Variants in TBC1D15 observed in about 807,000 individuals in gnomAD.
The protein encoded by TBC1D15 is TBC1 domain family member 15, also known as GAP for RAB7.
In TBC1D15, 39 loss-of-function variants were observed where a neutral mutation model predicts 95.4. The ratio of observed to expected loss-of-function variants is 0.41; its 90% CI spans 0.32 to 0.53. The LOEUF (loss-of-function observed/expected upper bound fraction) is 0.53, where lower values mean the gene tolerates loss of function less well. Ranked by LOEUF, TBC1D15 falls within the 20% of genes least tolerant of loss-of-function variation. TBC1D15 has a pLI of 0.29. For missense variants in TBC1D15, 733 were observed against 794.3 expected (o/e 0.92, Z 0.93); for synonymous variants, 258 against 261.3 (o/e 0.99, Z 0.12).
intron 1 of TBC1D15, among the ~76,000 whole-genome samples, chr12:71,845,992 C>T (rs1478652394): frequency 1.3e-5 from 2 of 151,564 alleles, no homozygotes; most frequent in Non-Finnish European, 2.9e-5. Context: ...TTTTTTCCAG[C>T]TCTTTGTGTC....
chr12:71,871,581 T>A lies in TBC1D15; in HGVS notation c.31-489T>A, dbSNP rs79426465. On this transcript the variant is annotated intron_variant, in intron 1 of 16. Transcript: ENST00000485960. Reference sequence around the variant, plus strand: ...TTAATGCTCATGAAAAAAAAATACTTATTTTTTTGATTTTTTATAGAGATG... The same window carrying A: ...TTAATGCTCATGAAAAAAAAATACTAATTTTTTTGATTTTTTATAGAGATG... 9.1e-4 allele frequency among the ~76,000 whole-genome samples: 138 copies of A among 152,326 alleles called. 1 individual carries two copies. In the East Asian group the frequency reaches 0.02, roughly 22 times the overall value.
At chr12:71,901,949 T>TC (rs1899490631) in intron 10 of TBC1D15, among the ~76,000 whole-genome samples, 1 of 151,916 alleles carries the variant, frequency 6.6e-6, no homozygotes, top group Non-Finnish European at 1.5e-5. Flanking sequence ...ACCAACAACG[T>TC]CCAAGCCGAG....
Position 71,923,363 on chromosome 12 carries a change from C to A in TBC1D15, c.*159C>A. On this transcript the variant is annotated 3_prime_UTR_variant, in exon 17 of 17. Transcript: ENST00000485960. ...CATTAAAGCTTTACAAAGATTTAAA[C>A]TAATTATTTTTGTAGTTACTTCTAC... 1.6e-6 allele frequency: 1 copy of A among 626,824 alleles called. No individual in the cohort carries two copies. The highest frequency in any genetic ancestry group is 2.6e-6 in the Non-Finnish European group (1 of 379,194). The allele number at this position is 626,824 out of a possible 1,614,324, so 38.8% of individuals were successfully genotyped here.
intron 14 of TBC1D15, among the ~76,000 whole-genome samples, chr12:71,919,201 C>CTTTTTTTTTTTTTTTTTTTTTTT (rs34109729): frequency 7.6e-6 from 1 of 131,472 alleles, no homozygotes; most frequent in African/African-American, 2.8e-5. Context: ...AATCAGTGTG[C>CTTTTTTTTTTTTTTTTTTTTTTT]TTTTTTTTTT....
At chr12:71,886,601 C>T (rs1896282092) in intron 5 of TBC1D15, among the ~76,000 whole-genome samples, 1 of 152,220 alleles carries the variant, frequency 6.6e-6, no homozygotes, top group Non-Finnish European at 1.5e-5. Flanking sequence ...AGATTCTCGA[C>T]TGTGTATTTT....
chr12:71,858,141 C>T (rs537086548), intron 1 of TBC1D15, among the ~76,000 whole-genome samples: 30 of 151,622 alleles, frequency 2.0e-4, no homozygotes, highest in Admixed American at 1.3e-3. Flanking sequence ...GGCGTGACCT[C>T]GGCTCACCGC....
intron 4 of TBC1D15, among the ~76,000 whole-genome samples, chr12:71,882,193 A>T (rs1207091676): frequency 6.6e-5 from 10 of 152,066 alleles, no homozygotes; most frequent in African/African-American, 2.4e-4. Context: ...TTAAAAATTG[A>T]CTATCAGACT....
chr12:71,896,598 C>T, intron 8 of TBC1D15, 79 bp from the exon 9 acceptor site: 1 of 1,230,494 alleles, frequency 8.1e-7, no homozygotes, highest in African/African-American at 1.5e-5. Flanking sequence ...ATTAGTTTTC[C>T]TTTTTATATG....
chr12:71,865,659 T>C (rs375480942), intron 1 of TBC1D15, among the ~76,000 whole-genome samples: 2 of 152,188 alleles, frequency 1.3e-5, no homozygotes, highest in South Asian at 4.2e-4. Context: ...GCTTAGACTC[T>C]GGAGTGCTAA....
At chr12:71,841,516 G>C (rs1052604185) in intron 1 of TBC1D15, among the ~76,000 whole-genome samples, 2 of 152,140 alleles carry the variant, frequency 1.3e-5, no homozygotes, top group Admixed American at 1.3e-4. Flanking sequence ...AGTAAGTTCA[G>C]ATCTGGTTTA....
At chr12:71,887,459 T>C (rs1353749429) in intron 5 of TBC1D15, among the ~76,000 whole-genome samples, 1 of 152,204 alleles carries the variant, frequency 6.6e-6, no homozygotes, top group East Asian at 1.9e-4. Flanking sequence ...CTGCCCTATC[T>C]TAGCTCTGTT....
intron 1 of TBC1D15, among the ~76,000 whole-genome samples, chr12:71,860,152 T>C (rs1208185653): frequency 6.6e-6 from 1 of 152,230 alleles, no homozygotes; most frequent in East Asian, 1.9e-4. Context: ...TTTTGGTTAC[T>C]GTAGGTTTGT....
intron 1 of TBC1D15, among the ~76,000 whole-genome samples, chr12:71,851,595 T>C (rs531785058): frequency 6.6e-6 from 1 of 152,370 alleles, no homozygotes; most frequent in African/African-American, 2.4e-5. Flanking sequence ...AATGGGGTTA[T>C]AGGCATTGGG....
chr12:71,896,158 G>GTT, intron 8 of TBC1D15, 83 bp downstream of exon 8: 11 of 941,062 alleles, frequency 1.2e-5, no homozygotes, highest in South Asian at 2.8e-5. Context: ...GTTTTGGTGT[G>GTT]TTTTTTTTTG....
chr12:71,876,303 T>C (rs1314572284), intron 3 of TBC1D15, among the ~76,000 whole-genome samples: 1 of 151,602 alleles, frequency 6.6e-6, no homozygotes, highest in Non-Finnish European at 1.5e-5. Context: ...AACACTGCTA[T>C]TTTTTTTTCC....
At chr12:71,893,445 T>C in intron 6 of TBC1D15, 121 bp downstream of exon 6, 1 of 446,446 alleles carries the variant, frequency 2.2e-6, no homozygotes, top group Non-Finnish European at 3.9e-6. Context: ...TAGATATGTG[T>C]GTGTGTGTGT....
intron 1 of TBC1D15, chr12:71,854,446 C>A: frequency 2.4e-6 from 1 of 408,566 alleles, no homozygotes; most frequent in Non-Finnish European, 4.9e-6. Flanking sequence ...GTTTGTGTTC[C>A]AAATTTGTTC....
chr12:71,916,490 G>GT (rs1056835413), intron 12 of TBC1D15, among the ~76,000 whole-genome samples: 7 of 152,088 alleles, frequency 4.6e-5, no homozygotes, highest in African/African-American at 1.7e-4. Context: ...TAATAAACTG[G>GT]TTTTTAAAAT....
chr12:71,880,449 ATATGT>A lies in TBC1D15; in HGVS notation c.205-16_205-12del, dbSNP rs1450401546. 2.0e-6 allele frequency: 3 copies of A among 1,520,446 alleles called. No homozygotes were observed. The highest frequency in any genetic ancestry group is 2.8e-5 in the African/African-American group (2 of 71,504). The allele number at this position is 1,520,446 out of a possible 1,614,324, so 94.2% of individuals were successfully genotyped here. ...ATTTGTTTTAGACTTTAAATATTTT[ATATGT>A]TATAATTATTTTAGGACTCCAGTTC... On this transcript the variant is annotated splice_polypyrimidine_tract_variant and intron_variant, in intron 3 of 16. Coordinates refer to ENST00000485960, the MANE Select transcript of TBC1D15 (RefSeq NM_001146213.3).
Sources: allele counts gnomAD v4.1 joint callset (sites outside exome capture counted in the v4.1 genomes callset), GRCh38; gene constraint gnomAD v4.1.1; transcripts MANE v1.5; gene names NCBI Gene and HGNC (gene_info 2026-07-23, HGNC 2026-07-21).